The following UACA variants were observed in gnomAD, a reference collection of about 807,000 sequenced individuals.
UACA encodes the protein nuclear membrane binding protein.
Under a neutral mutation model 160.5 loss-of-function variants are expected in UACA, and 112 were observed. The ratio of observed to expected loss-of-function variants is 0.70; its 90% CI spans 0.60 to 0.82. UACA has a LOEUF of 0.82. Among genes scored for constraint, UACA ranks in the 40% least tolerant of loss-of-function variants. UACA has a pLI of 0.00. For synonymous variants in UACA, 557 were observed against 568.4 expected (o/e 0.98, Z 0.29); for missense variants, 1,574 against 1,614.6 (o/e 0.97, Z 0.43).
intron 1 of UACA, 137 bp downstream of exon 1, chr15:70,763,193 A>C: frequency 4.2e-6 from 4 of 958,618 alleles, no homozygotes; most frequent in Non-Finnish European, 5.5e-6. Context: ...CTCCGGCCTC[A>C]GGGAGGAGTC....
the UACA span, among the ~76,000 whole-genome samples, chr15:70,774,132 G>A: frequency 1.3e-5 from 2 of 152,168 alleles, no homozygotes. Flanking sequence ...CAAGCACTGT[G>A]CTAAGTTCTT....
intron 1 of UACA, among the ~76,000 whole-genome samples, chr15:70,745,411 C>T (rs927525836): frequency 6.7e-6 from 1 of 148,942 alleles, no homozygotes; most frequent in Admixed American, 6.7e-5. Context: ...TGCACTCCAG[C>T]CTGGGCAGCA....
At chr15:70,694,936 T>C (rs1196386194) in intron 3 of UACA, 81 bp downstream of exon 3, 1 of 1,089,570 alleles carries the variant, frequency 9.2e-7, no homozygotes, top group Non-Finnish European at 1.4e-6. Context: ...ATATCACATT[T>C]AGGTCTGAAT....
intron 9 of UACA, chr15:70,679,940 A>G (rs947929584): frequency 2.1e-5 from 4 of 187,934 alleles, no homozygotes; most frequent in Admixed American, 1.2e-4. Flanking sequence ...TATTTTAACT[A>G]AAGTCACAAA....
intron 2 of UACA, 84 bp downstream of exon 2, chr15:70,699,443 A>G (rs1898250595): frequency 1.4e-6 from 2 of 1,473,300 alleles, no homozygotes; most frequent in Admixed American, 2.0e-5. Context: ...AAGTAAGTTG[A>G]TAACTACAAT....
rs1896448942 is a variant in UACA at position 70,655,268 on chromosome 15, C to G, written c.*1788G>C. 6.6e-6 allele frequency: 1 copy of G among 152,152 alleles called. No individual in the cohort carries two copies. The highest frequency in any genetic ancestry group is 2.4e-5 in the African/African-American group (1 of 41,426). The allele number at this position is 152,152 out of a possible 1,614,324, so 9.4% of individuals were successfully genotyped here. A position where few individuals can be genotyped will look rare whatever the true frequency, so the allele number is the denominator to read the frequency against. ...ATTTTGAGATGGAGTCTTGCTATTG[C>G]CCAAGCTGGAGTGCAGTGGCGAGAT... On this transcript the variant is annotated 3_prime_UTR_variant, in exon 19 of 19. Transcript: ENST00000322954.
upstream of UACA, among the ~76,000 whole-genome samples, chr15:70,767,341 G>A (rs1423401690): frequency 6.6e-6 from 1 of 151,736 alleles, no homozygotes; most frequent in African/African-American, 2.4e-5. Context: ...GTAATTCCAG[G>A]ACTTTGGGAG....
At position 70,668,100 on chromosome 15, in the gene UACA, C is replaced by G; in HGVS notation, c.2584G>C (p.Val862Leu). ...KKMMSNQYVPVKTHEEVKMTL... is the reference protein window; with the variant it reads ...KKMMSNQYVPLKTHEEVKMTL... ...ATTTTAACCTCTTCATGGGTTTTAACTGGCACATACTGATTACTCATCATC... is the reference window on the plus strand; with the variant it reads ...ATTTTAACCTCTTCATGGGTTTTAAGTGGCACATACTGATTACTCATCATC... The change falls in exon 16 of 19, where the codon GTT becomes CTT. Residue 862 changes from valine (V) to leucine (L), a missense_variant. Val to Leu is a conservative substitution (Grantham distance 32). Transcript: ENST00000322954. The G allele has an allele frequency of 6.2e-7, 1 of 1,613,658 alleles. No individual in the cohort carries two copies. The highest frequency in any genetic ancestry group is 8.5e-7 in the Non-Finnish European group (1 of 1,179,940).
chr15:70,772,915 C>G, the UACA span, among the ~76,000 whole-genome samples: 2 of 151,962 alleles, frequency 1.3e-5, no homozygotes, highest in Admixed American at 1.3e-4. Context: ...ATGGTGAAAC[C>G]CCGTCTCTAC....
At chr15:70,669,615 T>C (rs1897068434) in intron 15 of UACA, among the ~76,000 whole-genome samples, 153 bp from the exon 16 acceptor site, 1 of 152,152 alleles carries the variant, frequency 6.6e-6, no homozygotes, top group Non-Finnish European at 1.5e-5. Flanking sequence ...ACAATGCTGA[T>C]TTTTGTGGTA....
intron 1 of UACA, among the ~76,000 whole-genome samples, chr15:70,758,095 CTTA>C (rs1316632121): frequency 6.6e-6 from 1 of 152,130 alleles, no homozygotes; most frequent in Non-Finnish European, 1.5e-5. Context: ...TTACACCATC[CTTA>C]TTAAAAAACT....
At chr15:70,711,624 C>T (rs1357831891) in intron 1 of UACA, among the ~76,000 whole-genome samples, 2 of 152,042 alleles carry the variant, frequency 1.3e-5, no homozygotes, top group Non-Finnish European at 2.9e-5. Context: ...ATTTACAGTG[C>T]TAGATATACC....
intron 1 of UACA, among the ~76,000 whole-genome samples, chr15:70,705,138 C>T (rs1249627717): frequency 1.3e-5 from 2 of 152,180 alleles, no homozygotes; most frequent in Non-Finnish European, 2.9e-5. Context: ...GGTTATGGTT[C>T]ATCCACAAGG....
Position 70,681,740 on chromosome 15 carries a change from T to C in UACA, c.822+1018A>G, listed in dbSNP as rs965374151. 3.9e-5 allele frequency: 6 copies of C among 152,228 alleles called. No individual in the cohort carries two copies. In the South Asian group the frequency reaches 8.3e-4, roughly 21 times the overall value. 9.4% of individuals were successfully genotyped at this position (152,228 alleles called of 1,614,324 possible). A position where few individuals can be genotyped will look rare whatever the true frequency, so the allele number is the denominator to read the frequency against. On this transcript the variant is annotated intron_variant, in intron 9 of 18. Transcript: ENST00000322954. ...AGTGTCAACAGACATGACCCATATA[T>C]GAACATATTAATTCAGATGGATTGA...
chr15:70,770,312 A>T, the UACA span, among the ~76,000 whole-genome samples: 1 of 152,252 alleles, frequency 6.6e-6, no homozygotes, highest in Non-Finnish European at 1.5e-5. Flanking sequence ...ATTCTTATAT[A>T]CAGTAGCATT....
intron 18 of UACA, among the ~76,000 whole-genome samples, chr15:70,659,136 G>A: frequency 6.6e-6 from 1 of 152,004 alleles, no homozygotes. Context: ...TCTAATAATT[G>A]CAATAAACTT....
chr15:70,760,805 CAAA>C (rs34530236), intron 1 of UACA, among the ~76,000 whole-genome samples: 3 of 63,006 alleles, frequency 4.8e-5, no homozygotes. Flanking sequence ...GACTCCGTCT[CAAA>C]AAAAAAAAAA....
At chr15:70,714,547 G>C (rs769648332) in intron 1 of UACA, among the ~76,000 whole-genome samples, 2 of 152,056 alleles carry the variant, frequency 1.3e-5, no homozygotes, top group African/African-American at 2.4e-5. Flanking sequence ...ACCAAGGCAA[G>C]AACAGGCTTA....
At chr15:70,703,385 T>C (rs1332809927) in intron 1 of UACA, 3 of 761,178 alleles carry the variant, frequency 3.9e-6, no homozygotes, top group Non-Finnish European at 5.4e-6. Flanking sequence ...ACAAGAAATC[T>C]GTTTCCTACT....
Sources: allele counts gnomAD v4.1 joint callset (sites outside exome capture counted in the v4.1 genomes callset), GRCh38; gene constraint gnomAD v4.1.1; transcripts MANE v1.5; gene names NCBI Gene and HGNC (gene_info 2026-07-23, HGNC 2026-07-21).